Variants in ARFGAP3 observed in about 807,000 individuals in gnomAD.
The protein encoded by ARFGAP3 is ADP-ribosylation factor GTPase-activating protein 3.
In ARFGAP3, 72 loss-of-function variants were observed where a neutral mutation model predicts 75.0. The observed-to-expected ratio is 0.96, with a 90% CI of 0.79 to 1.17. The LOEUF (loss-of-function observed/expected upper bound fraction) is 1.17, where lower values mean the gene tolerates loss of function less well. Ranked by LOEUF, ARFGAP3 falls within the 50% of genes most tolerant of loss-of-function variation. ARFGAP3 has a pLI of 0.00. For missense variants in ARFGAP3, 620 were observed against 626.6 expected, an observed-to-expected ratio of 0.99 and a Z score of 0.11; for synonymous variants, 221 against 217.9, an observed-to-expected ratio of 1.01 and a Z score of -0.13.
intron 1 of ARFGAP3, 29 bp from the exon 2 acceptor site, chr22:42,847,661 A>C: frequency 6.2e-7 from 1 of 1,606,016 alleles, no homozygotes; most frequent in South Asian, 1.1e-5. Flanking sequence ...TTCAGTTACT[A>C]ATTTATGTTA....
At chr22:42,817,558 T>C (rs1348149523) in intron 10 of ARFGAP3, among the ~76,000 whole-genome samples, 171 bp downstream of exon 10, 2 of 152,076 alleles carry the variant, frequency 1.3e-5, no homozygotes, top group Non-Finnish European at 2.9e-5. Flanking sequence ...AGAGCCAAAT[T>C]TGAAATTTTT....
At chr22:42,838,837 G>A (rs1926651755) in intron 3 of ARFGAP3, among the ~76,000 whole-genome samples, 1 of 152,156 alleles carries the variant, frequency 6.6e-6, no homozygotes, top group East Asian at 1.9e-4. Context: ...TAGGCCGGGC[G>A]CGGTGGCTCA....
At chr22:42,853,753 C>A in intron 1 of ARFGAP3, 1 of 158,800 alleles carries the variant, frequency 6.3e-6, no homozygotes, top group Non-Finnish European at 1.4e-5. Context: ...CCCCCAGTAC[C>A]GAACACATTG....
intron 14 of ARFGAP3, among the ~76,000 whole-genome samples, chr22:42,806,234 T>A (rs563466465): frequency 6.6e-6 from 1 of 151,694 alleles, no homozygotes; most frequent in South Asian, 2.1e-4. Flanking sequence ...CAGAGGACGC[T>A]GCCCCTTTCA....
chr22:42,804,501 C>T (rs1032198928), intron 14 of ARFGAP3, among the ~76,000 whole-genome samples: 7 of 151,680 alleles, frequency 4.6e-5, no homozygotes, highest in Non-Finnish European at 5.9e-5. Flanking sequence ...CCTGCCTCAG[C>T]CTCCGGAGTA....
At chr22:42,801,172 GA>G (rs1924841075) in intron 14 of ARFGAP3, among the ~76,000 whole-genome samples, 1 of 152,222 alleles carries the variant, frequency 6.6e-6, no homozygotes, top group Non-Finnish European at 1.5e-5. Flanking sequence ...GGAACGGGCT[GA>G]GCGTCCTCAG....
At chr22:42,809,044 A>G in intron 12 of ARFGAP3, 154 bp from the exon 13 acceptor site, 1 of 663,664 alleles carries the variant, frequency 1.5e-6, no homozygotes, top group Non-Finnish European at 1.9e-6. Flanking sequence ...ATTAAAAAAA[A>G]AAGAATAAAT....
At chr22:42,846,740 C>T (rs945306059) in intron 2 of ARFGAP3, among the ~76,000 whole-genome samples, 5 of 152,228 alleles carry the variant, frequency 3.3e-5, no homozygotes, top group East Asian at 3.8e-4. Context: ...ATAAACTCTC[C>T]ACTTTGGAGG....
At chr22:42,841,059 C>A in intron 2 of ARFGAP3, 43 bp from the exon 3 acceptor site, 1 of 1,592,780 alleles carries the variant, frequency 6.3e-7, no homozygotes, top group East Asian at 2.3e-5. Flanking sequence ...TTTTTTATCC[C>A]CAGGAGCAAA....
intron 6 of ARFGAP3, among the ~76,000 whole-genome samples, chr22:42,828,531 G>C (rs920480550): frequency 1.4e-4 from 21 of 151,870 alleles, no homozygotes; most frequent in African/African-American, 5.1e-4. Context: ...ACTCCAGCCT[G>C]GGCAACAAGA....
chr22:42,814,002 A>C (rs773010020), intron 11 of ARFGAP3, among the ~76,000 whole-genome samples: 3 of 152,194 alleles, frequency 2.0e-5, no homozygotes. Flanking sequence ...CTAATATCAC[A>C]TTTGCTCTGA....
intron 5 of ARFGAP3, among the ~76,000 whole-genome samples, chr22:42,832,855 C>T (rs1265149450): frequency 3.3e-5 from 5 of 151,806 alleles, no homozygotes; most frequent in African/African-American, 1.2e-4. Context: ...TGTGGTGGCA[C>T]ATGCCTATAA....
In ARFGAP3 at chr22:42,823,793, ATTATT is replaced by A. The variant is rs1443132961; in HGVS notation, c.626-96_626-92del. ...TTAAAATTCTAAGATACTGCACTTT[ATTATT>A]TAAGAGATGATAACATTTTCCACTT... is the stretch of plus-strand genomic sequence containing the variant. On this transcript the variant is annotated intron_variant, in intron 7 of 15. Transcript: ENST00000263245. 4.0e-6 allele frequency: 5 copies of A among 1,262,550 alleles called. No homozygotes were observed. The African/African-American group carries it at 7.8e-5, about 20-fold the overall frequency. The allele number at this position is 1,262,550 out of a possible 1,614,324, so 78.2% of individuals were successfully genotyped here.
chr22:42,810,679 A>C (rs182518708), intron 12 of ARFGAP3, 134 bp downstream of exon 12: 148 of 750,658 alleles, frequency 2.0e-4, no homozygotes, highest in Non-Finnish European at 3.2e-4. Context: ...TCGGCCTCTT[A>C]AAGTGCTGGG....
At chr22:42,798,029 G>A (rs986774730) in intron 15 of ARFGAP3, among the ~76,000 whole-genome samples, 2 of 152,198 alleles carry the variant, frequency 1.3e-5, no homozygotes, top group African/African-American at 4.8e-5. Context: ...AACCTTCTGT[G>A]CCTCAATTCC....
rs148614796 is a variant in ARFGAP3 at position 42,849,971 on chromosome 22, A to G, written c.70-2339T>C. ...TTTAAATCTCACACACAGCCTGAAAAATAGGCTTACCCATGGTAAGCATTC... is the reference window on the plus strand; with the variant it reads ...TTTAAATCTCACACACAGCCTGAAAGATAGGCTTACCCATGGTAAGCATTC... On this transcript the variant is annotated intron_variant, in intron 1 of 15. Transcript: ENST00000263245. Among the ~76,000 whole-genome samples the G allele has an allele frequency of 3.7e-4, 56 of 152,328 alleles. No individual in the cohort carries two copies. The East Asian group carries it at 0.01, about 27-fold the overall frequency.
chr22:42,796,874 G>C lies in ARFGAP3; in HGVS notation c.*714C>G, dbSNP rs909873808. The C allele has an allele frequency of 6.6e-6, 1 of 152,142 alleles. No individual in the cohort carries two copies. Among genetic ancestry groups the C allele is most frequent in the Non-Finnish European group, 1.5e-5 (1 of 68,036 alleles). 9.4% of individuals were successfully genotyped at this position (152,142 alleles called of 1,614,324 possible). On this transcript the variant is annotated 3_prime_UTR_variant, in exon 16 of 16. Transcript: ENST00000263245. The stretch of plus-strand genomic sequence containing the variant: ...ATACCGTATTGATTTGTGATGAGAT[G>C]ATTTATTATGAGAACTCTTAGGGAG...
At position 42,817,368 on chromosome 22, in the gene ARFGAP3, C is replaced by A. The variant is rs1160988159; in HGVS notation, c.942-104G>T. On this transcript the variant is annotated intron_variant, in intron 10 of 15. Transcript: ENST00000263245. ...TGTTTTGAACAAAGACAAATGTATT[C>A]GAGGGGTTAAAAACATAAGCAATAA... The A allele has an allele frequency of 4.9e-6, 7 of 1,437,356 alleles. No homozygotes were observed. In the African/African-American group the frequency reaches 1.0e-4, roughly 21 times the overall value. The allele number at this position is 1,437,356 out of a possible 1,614,324, so 89.0% of individuals were successfully genotyped here.
At position 42,857,257 on chromosome 22, in the gene ARFGAP3, A is replaced by G; in HGVS notation, c.-75T>C. ...GACGAAAAGCGGCTACCGCCTCAGC[A>G]GGAGCGACGAGGCCGCGGGGGCGGG... On this transcript the variant is annotated 5_prime_UTR_variant, in exon 1 of 16. Transcript: ENST00000263245. The G allele has an allele frequency of 6.8e-7, 1 of 1,473,070 alleles. No homozygotes were observed. Among genetic ancestry groups the G allele is most frequent in the Non-Finnish European group, 9.0e-7 (1 of 1,106,070 alleles). The allele number at this position is 1,473,070 out of a possible 1,614,324, so 91.2% of individuals were successfully genotyped here. A position where few individuals can be genotyped will look rare whatever the true frequency, so the allele number is the denominator to read the frequency against.
Sources: allele counts gnomAD v4.1 joint callset (sites outside exome capture counted in the v4.1 genomes callset), GRCh38; gene constraint gnomAD v4.1.1; transcripts MANE v1.5; gene names NCBI Gene and HGNC (gene_info 2026-07-23, HGNC 2026-07-21).